Variants in ACSS3 observed in about 807,000 individuals in gnomAD.
The protein encoded by ACSS3 is acyl-CoA synthetase short-chain family member 3, mitochondrial.
A neutral mutation model predicts 84.2 loss-of-function variants in ACSS3; 64 were observed. The ratio of observed to expected loss-of-function variants is 0.76; its 90% CI spans 0.62 to 0.94. ACSS3 has a LOEUF of 0.94. ACSS3 is among the 40% of genes least tolerant of loss of function. ACSS3 has a pLI of 0.00. For synonymous variants in ACSS3, 317 were observed against 310.1 expected (o/e 1.02, Z -0.23); for missense variants, 815 against 867.6 (o/e 0.94, Z 0.76).
In ACSS3 at chr12:81,259,323, G is replaced by GACTT. The variant is rs1384954695; in HGVS notation, c.*4404_*4407dup. On this transcript the variant is annotated 3_prime_UTR_variant, in exon 16 of 16. Transcript: ENST00000548058. The stretch of plus-strand genomic sequence containing the variant: ...ATCATATTTATATCCATTTACATAA[G>GACTT]ACTTACACATTTAAAAAGAAATGCA... 3 of 470,796 alleles carry GACTT rather than the reference G, an allele frequency of 6.4e-6. No homozygotes were observed. Among genetic ancestry groups the GACTT allele is most frequent in the African/African-American group, 2.0e-5 (1 of 49,702 alleles). The allele number at this position is 470,796 out of a possible 1,614,324, so 29.2% of individuals were successfully genotyped here.
intron 7 of ACSS3, chr12:81,158,362 C>A (rs1353829640): frequency 6.5e-6 from 1 of 153,564 alleles, no homozygotes; most frequent in Admixed American, 6.6e-5. Flanking sequence ...CTCTTTAAGG[C>A]CTTGTCTACA....
intron 3 of ACSS3, among the ~76,000 whole-genome samples, chr12:81,137,878 C>CT (rs1050099593): frequency 9.9e-5 from 15 of 150,902 alleles, no homozygotes; most frequent in South Asian, 2.1e-4. Flanking sequence ...AGACTTTCTG[C>CT]TTTTTTTTTC....
chr12:81,156,503 A>G (rs1435596101), intron 7 of ACSS3, among the ~76,000 whole-genome samples: 5 of 152,100 alleles, frequency 3.3e-5, no homozygotes, highest in African/African-American at 1.2e-4. Flanking sequence ...AATTAATGAA[A>G]AAGAACTATT....
chr12:81,230,209 A>C (rs2033411695), intron 11 of ACSS3, among the ~76,000 whole-genome samples: 3 of 151,858 alleles, frequency 2.0e-5, no homozygotes, highest in Admixed American at 2.0e-4. Context: ...GAAAATTCCA[A>C]ACTAAAGGAT....
intron 13 of ACSS3, among the ~76,000 whole-genome samples, chr12:81,244,060 A>G (rs1355352115): frequency 6.6e-6 from 1 of 152,126 alleles, no homozygotes; most frequent in Admixed American, 6.5e-5. Flanking sequence ...TTTGTCTAAA[A>G]AAGTCTTTAT....
At chr12:81,107,511 C>A (rs11114770) in intron 1 of ACSS3, among the ~76,000 whole-genome samples, 6 of 38,826 alleles carry the variant, frequency 1.5e-4, no homozygotes, top group Non-Finnish European at 2.0e-4. Context: ...CAAATATATA[C>A]ATATATATAT....
intron 9 of ACSS3, among the ~76,000 whole-genome samples, chr12:81,203,504 A>T (rs910209818): frequency 9.2e-5 from 14 of 152,226 alleles, no homozygotes; most frequent in African/African-American, 3.4e-4. Flanking sequence ...AGTGACTAAC[A>T]TCCTCTTTAT....
chr12:81,246,634 T>C (rs1460128658), intron 13 of ACSS3, among the ~76,000 whole-genome samples: 1 of 152,358 alleles, frequency 6.6e-6, no homozygotes, highest in African/African-American at 2.4e-5. Flanking sequence ...TTGTGGAAGA[T>C]ATAAGTTACT....
chr12:81,105,251 A>G (rs574410273), intron 1 of ACSS3, among the ~76,000 whole-genome samples: 30 of 152,324 alleles, frequency 2.0e-4, no homozygotes, highest in Admixed American at 5.9e-4. Context: ...ATTTTTTTAG[A>G]AAGTTTCCAT....
chr12:81,140,364 A>G (rs1024509200), intron 4 of ACSS3, among the ~76,000 whole-genome samples: 2 of 150,260 alleles, frequency 1.3e-5, no homozygotes, highest in African/African-American at 4.9e-5. Flanking sequence ...TATTTATGAT[A>G]AGACCAACTT....
intron 7 of ACSS3, among the ~76,000 whole-genome samples, chr12:81,166,180 G>A (rs1014602243): frequency 1.5e-4 from 23 of 152,138 alleles, no homozygotes; most frequent in Non-Finnish European, 1.5e-4. Flanking sequence ...TCCAAGATAC[G>A]TGGCCAGGAC....
intron 2 of ACSS3, among the ~76,000 whole-genome samples, chr12:81,132,637 G>T (rs372904003): frequency 2.0e-5 from 3 of 151,988 alleles, no homozygotes; most frequent in African/African-American, 7.2e-5. Flanking sequence ...CTTCAGTTCT[G>T]CTCTGATCTT....
chr12:81,120,559 T>G (rs1884497097), intron 2 of ACSS3, among the ~76,000 whole-genome samples: 1 of 152,212 alleles, frequency 6.6e-6, no homozygotes. Context: ...GTGGTGCAAA[T>G]TAATATATTA....
At chr12:81,242,846 A>T (rs1163891856) in intron 13 of ACSS3, among the ~76,000 whole-genome samples, 1 of 152,066 alleles carries the variant, frequency 6.6e-6, no homozygotes, top group African/African-American at 2.4e-5. Flanking sequence ...TTAGATATTG[A>T]TGGGATGTAT....
chr12:81,078,003 C>T, upstream of ACSS3: 1 of 1,224,986 alleles, frequency 8.2e-7, no homozygotes, highest in South Asian at 1.7e-5. Flanking sequence ...TTCCAAACTT[C>T]TGGGCTCTGG....
intron 11 of ACSS3, among the ~76,000 whole-genome samples, chr12:81,225,562 G>A (rs1469513018): frequency 1.3e-5 from 2 of 151,920 alleles, no homozygotes; most frequent in African/African-American, 4.8e-5. Flanking sequence ...CTACTGGCAA[G>A]GCAGAGTTTA....
intron 1 of ACSS3, among the ~76,000 whole-genome samples, chr12:81,095,836 C>A (rs2121369024): frequency 6.6e-6 from 1 of 152,288 alleles, no homozygotes; most frequent in South Asian, 2.1e-4. Flanking sequence ...TATACATACT[C>A]ATGTAGGAAG....
intron 13 of ACSS3, among the ~76,000 whole-genome samples, chr12:81,252,044 C>CA (rs1218346283): frequency 5.3e-5 from 8 of 152,108 alleles, no homozygotes; most frequent in African/African-American, 1.7e-4. Flanking sequence ...TTTCCAGCCA[C>CA]ATTGGTCTCT....
chr12:81,103,011 A>G (rs925956797), intron 1 of ACSS3, among the ~76,000 whole-genome samples: 1 of 152,238 alleles, frequency 6.6e-6, no homozygotes, highest in Non-Finnish European at 1.5e-5. Context: ...TAATGTAATT[A>G]GAAAGCAGTG....
Sources: allele counts gnomAD v4.1 joint callset (sites outside exome capture counted in the v4.1 genomes callset), GRCh38; gene constraint gnomAD v4.1.1; transcripts MANE v1.5; gene names NCBI Gene and HGNC (gene_info 2026-07-23, HGNC 2026-07-21).